The following MSH4 variants were observed in gnomAD, a reference collection of about 807,000 sequenced individuals.
MSH4 encodes mutS homolog 4.
A neutral mutation model predicts 113.7 loss-of-function variants in MSH4; 106 were observed. That is an observed-to-expected ratio of 0.93 (90% CI 0.80 to 1.10). The LOEUF is 1.10. Among genes scored for constraint, MSH4 ranks in the 50% least tolerant of loss-of-function variants. MSH4 has a pLI of 0.00. For missense variants in MSH4, 1,061 were observed against 1,093.7 expected, an observed-to-expected ratio of 0.97 and a Z score of 0.42; for synonymous variants, 368 against 380.2, an observed-to-expected ratio of 0.97 and a Z score of 0.37.
intron 4 of MSH4, among the ~76,000 whole-genome samples, chr1:75,812,638 G>A (rs913704816): frequency 3.3e-5 from 5 of 152,164 alleles, no homozygotes. Context: ...AGGTTGCAGC[G>A]AGCCGAGATT....
intron 15 of MSH4, among the ~76,000 whole-genome samples, chr1:75,885,045 G>GTATATATATATATATA (rs1286506735): frequency 2.8e-5 from 3 of 107,784 alleles, no homozygotes; most frequent in Admixed American, 9.5e-5. Flanking sequence ...GTGTGTGTGT[G>GTATATATATATATATA]TGTGTGTGTG....
At position 75,913,112 on chromosome 1, in the gene MSH4, A is replaced by G. The variant is rs1299698545; in HGVS notation, c.*225A>G. The G allele has an allele frequency of 4.2e-6, 1 of 236,522 alleles. No homozygotes were observed. The highest frequency in any genetic ancestry group is 8.0e-6 in the Non-Finnish European group (1 of 125,024). The allele number at this position is 236,522 out of a possible 1,614,324, so 14.7% of individuals were successfully genotyped here. A position where few individuals can be genotyped will look rare whatever the true frequency, so the allele number is the denominator to read the frequency against. On this transcript the variant is annotated 3_prime_UTR_variant, in exon 20 of 20. Coordinates refer to ENST00000263187, the MANE Select transcript of MSH4 (RefSeq NM_002440.4). ...TGGTTTTTATGTTAGGAGAAAATAC[A>G]ATACACCACTTTTTTCTCACAAAAA...
chr1:75,872,620 G>A (rs1032915941), intron 9 of MSH4, among the ~76,000 whole-genome samples: 10 of 152,176 alleles, frequency 6.6e-5, no homozygotes, highest in Non-Finnish European at 1.3e-4. Flanking sequence ...AAAAAAGAAA[G>A]AAAGAATGGA....
At chr1:75,905,064 T>G (rs1335410777) in intron 19 of MSH4, among the ~76,000 whole-genome samples, 2 of 151,970 alleles carry the variant, frequency 1.3e-5, no homozygotes, top group Non-Finnish European at 2.9e-5. Flanking sequence ...TGATCTCTAT[T>G]ATTTCTTTTC....
At chr1:75,804,168 C>T (rs533490770) in intron 2 of MSH4, among the ~76,000 whole-genome samples, 1 of 152,136 alleles carries the variant, frequency 6.6e-6, no homozygotes, top group Admixed American at 6.5e-5. Context: ...AAAGAGAAAC[C>T]TCTCCCTTTT....
intron 4 of MSH4, 74 bp downstream of exon 4, chr1:75,810,881 TA>T (rs1453290117): frequency 2.7e-6 from 2 of 739,302 alleles, no homozygotes; most frequent in East Asian, 3.6e-5. Context: ...ATTATTTATT[TA>T]TTTTTTTGAG....
chr1:75,859,759 T>C (rs144668628), intron 8 of MSH4, among the ~76,000 whole-genome samples: 36 of 152,348 alleles, frequency 2.4e-4, no homozygotes, highest in Admixed American at 1.5e-3. Context: ...TGGAGAGTTC[T>C]GTAGATTTCT....
At chr1:75,867,808 A>G (rs956812921) in intron 9 of MSH4, among the ~76,000 whole-genome samples, 5 of 152,086 alleles carry the variant, frequency 3.3e-5, no homozygotes, top group Non-Finnish European at 7.4e-5. Flanking sequence ...CTAAGGTACT[A>G]AGTACTTAGG....
intron 8 of MSH4, among the ~76,000 whole-genome samples, chr1:75,860,775 G>A (rs1437196123): frequency 6.6e-6 from 1 of 152,134 alleles, no homozygotes; most frequent in Non-Finnish European, 1.5e-5. Context: ...TCTTTGTGAT[G>A]TTCTCTGTAT....
chr1:75,839,563 G>A (rs1300110211), intron 7 of MSH4, among the ~76,000 whole-genome samples: 1 of 152,024 alleles, frequency 6.6e-6, no homozygotes, highest in Non-Finnish European at 1.5e-5. Context: ...AGAGCAGCAG[G>A]GCATAGGGCA....
intron 19 of MSH4, among the ~76,000 whole-genome samples, chr1:75,902,721 A>G (rs796625781): frequency 6.5e-5 from 2 of 30,690 alleles, no homozygotes; most frequent in East Asian, 5.1e-4. Context: ...ATATATATAT[A>G]TATATATATA....
intron 8 of MSH4, among the ~76,000 whole-genome samples, chr1:75,853,229 T>C (rs999824544): frequency 6.6e-6 from 1 of 152,062 alleles, no homozygotes. Context: ...CATGCCCAGC[T>C]AATTTTTGTA....
At chr1:75,837,680 G>A (rs756059540) in intron 7 of MSH4, among the ~76,000 whole-genome samples, 72 of 152,204 alleles carry the variant, frequency 4.7e-4, no homozygotes, top group South Asian at 1.5e-3. Flanking sequence ...GAACCACTGT[G>A]CCCGGCCGCC....
At chr1:75,895,213 T>C (rs1456212988) in intron 17 of MSH4, among the ~76,000 whole-genome samples, 1 of 152,116 alleles carries the variant, frequency 6.6e-6, no homozygotes, top group Non-Finnish European at 1.5e-5. Context: ...GCTGAAGTGA[T>C]TGATCCTGAT....
At chr1:75,897,106 C>T (rs1315191661) in intron 17 of MSH4, among the ~76,000 whole-genome samples, 1 of 152,100 alleles carries the variant, frequency 6.6e-6, no homozygotes, top group Admixed American at 6.6e-5. Context: ...TGTCTTAAAA[C>T]GTAACTGGTT....
chr1:75,911,635 C>T (rs1380647067), intron 19 of MSH4, among the ~76,000 whole-genome samples: 1 of 151,986 alleles, frequency 6.6e-6, no homozygotes, highest in Non-Finnish European at 1.5e-5. Flanking sequence ...TTGTATCCCC[C>T]ATAGATATAT....
intron 10 of MSH4, 121 bp downstream of exon 10, chr1:75,877,121 CT>C (rs1651833369): frequency 2.0e-6 from 1 of 502,344 alleles, no homozygotes; most frequent in Non-Finnish European, 3.4e-6. Context: ...TTAACAGAAT[CT>C]TTAACCTATT....
intron 14 of MSH4, among the ~76,000 whole-genome samples, chr1:75,881,936 C>T (rs1651943209): frequency 6.6e-6 from 1 of 151,988 alleles, no homozygotes; most frequent in Admixed American, 6.6e-5. Flanking sequence ...AACCATACTC[C>T]AGTATGCAAA....
intron 19 of MSH4, among the ~76,000 whole-genome samples, chr1:75,902,143 C>T (rs1180266921): frequency 1.3e-5 from 2 of 151,982 alleles, no homozygotes; most frequent in Admixed American, 6.6e-5. Context: ...CTTAAAGGCC[C>T]CTTTTCACAA....
Sources: allele counts gnomAD v4.1 joint callset (sites outside exome capture counted in the v4.1 genomes callset), GRCh38; gene constraint gnomAD v4.1.1; transcripts MANE v1.5; gene names NCBI Gene and HGNC (gene_info 2026-07-23, HGNC 2026-07-21).